Variants in SEMA3A observed in about 807,000 individuals in gnomAD.
SEMA3A encodes semaphorin-3A.
A neutral mutation model predicts 97.9 loss-of-function variants in SEMA3A; 29 were observed. The ratio of observed to expected loss-of-function variants is 0.30; its 90% CI spans 0.22 to 0.40. The LOEUF is 0.40. Ranked by LOEUF, SEMA3A falls within the 10% of genes least tolerant of loss-of-function variation. The pLI is 1.00. For synonymous variants in SEMA3A, 321 were observed against 323.7 expected, an observed-to-expected ratio of 0.99 and a Z score of 0.09; for missense variants, 763 against 951.3, an observed-to-expected ratio of 0.80 and a Z score of 2.60.
chr7:84,446,384 C>T (rs911588289), intron 1 of SEMA3A, among the ~76,000 whole-genome samples: 1 of 152,118 alleles, frequency 6.6e-6, no homozygotes, highest in Non-Finnish European at 1.5e-5. Flanking sequence ...AAACTAAAAA[C>T]TAATGTCCCT....
At chr7:84,409,574 A>T (rs892878974) in intron 1 of SEMA3A, among the ~76,000 whole-genome samples, 1 of 152,272 alleles carries the variant, frequency 6.6e-6, no homozygotes, top group African/African-American at 2.4e-5. Context: ...TGTGATTCAT[A>T]GCTGAAGTTT....
intron 1 of SEMA3A, among the ~76,000 whole-genome samples, chr7:84,144,116 A>G (rs927498630): frequency 6.6e-6 from 1 of 151,984 alleles, no homozygotes; most frequent in African/African-American, 2.4e-5. Context: ...ATGGGGCTTC[A>G]TGAGAAACAC....
At chr7:84,424,524 T>TATATATAATATATATTAATATATA (rs1804701298) in intron 1 of SEMA3A, among the ~76,000 whole-genome samples, 1 of 43,488 alleles carries the variant, frequency 2.3e-5, no homozygotes, top group Admixed American at 3.8e-4. Context: ...TAATATATGT[T>TATATATAATATATATTAATATATA]ATATATAATA....
At chr7:83,969,773 A>T (rs1186090457) in intron 15 of SEMA3A, among the ~76,000 whole-genome samples, 1 of 152,186 alleles carries the variant, frequency 6.6e-6, no homozygotes, top group Non-Finnish European at 1.5e-5. Context: ...GATAATGATG[A>T]CTAATCATGT....
At chr7:84,465,016 T>C (rs1805954381) in intron 1 of SEMA3A, among the ~76,000 whole-genome samples, 1 of 152,090 alleles carries the variant, frequency 6.6e-6, no homozygotes, top group Admixed American at 6.6e-5. Context: ...TCACATAAAA[T>C]CTTCTGTATG....
intron 14 of SEMA3A, 85 bp downstream of exon 14, chr7:83,981,236 C>CACTT (rs1374660965): frequency 1.4e-6 from 2 of 1,433,424 alleles, no homozygotes; most frequent in African/African-American, 2.8e-5. Flanking sequence ...AAAGTTGATG[C>CACTT]ACTTATTTGA....
intron 3 of SEMA3A, among the ~76,000 whole-genome samples, chr7:84,266,298 A>G (rs1799999294): frequency 8.3e-6 from 1 of 120,880 alleles, no homozygotes; most frequent in Non-Finnish European, 1.6e-5. Flanking sequence ...TCTAGCCTGG[A>G]GTGAGATTTG....
At chr7:84,413,876 T>C (rs1804350838) in intron 1 of SEMA3A, among the ~76,000 whole-genome samples, 1 of 152,150 alleles carries the variant, frequency 6.6e-6, no homozygotes, top group African/African-American at 2.4e-5. Context: ...TGCCAGGACA[T>C]ATAATCTGCA....
At chr7:83,971,478 G>A (rs1788911919) in intron 15 of SEMA3A, among the ~76,000 whole-genome samples, 1 of 150,740 alleles carries the variant, frequency 6.6e-6, no homozygotes, top group Admixed American at 6.6e-5. Flanking sequence ...ATCATATATT[G>A]TAGTGCAAAT....
At chr7:84,313,373 TA>T (rs1801406528) in intron 2 of SEMA3A, among the ~76,000 whole-genome samples, 1 of 44,424 alleles carries the variant, frequency 2.3e-5, no homozygotes, top group African/African-American at 5.3e-5. Flanking sequence ...TATATATATA[TA>T]TATATATATA....
intron 2 of SEMA3A, among the ~76,000 whole-genome samples, chr7:84,315,025 T>C (rs1202332792): frequency 1.3e-5 from 2 of 152,170 alleles, no homozygotes; most frequent in South Asian, 2.1e-4. Flanking sequence ...GAGAAGCTTT[T>C]GGTTTGCTAC....
upstream of SEMA3A, among the ~76,000 whole-genome samples, chr7:84,196,229 A>G (rs1031053332): frequency 6.6e-6 from 1 of 152,090 alleles, no homozygotes; most frequent in African/African-American, 2.4e-5. Flanking sequence ...ACAATTAAAA[A>G]CATAAACACC....
chr7:84,336,700 G>T (rs1802045730), intron 2 of SEMA3A, among the ~76,000 whole-genome samples: 1 of 152,120 alleles, frequency 6.6e-6, no homozygotes, highest in Non-Finnish European at 1.5e-5. Context: ...GGTTCCAACA[G>T]AAGAATTCAT....
intron 1 of SEMA3A, among the ~76,000 whole-genome samples, chr7:84,426,753 A>G (rs544169006): frequency 1.3e-5 from 2 of 152,228 alleles, no homozygotes; most frequent in South Asian, 2.1e-4. Context: ...TAAGAACGTT[A>G]TAACTTCTAC....
intron 3 of SEMA3A, among the ~76,000 whole-genome samples, chr7:84,225,464 A>G (rs1798967946): frequency 6.6e-6 from 1 of 152,096 alleles, no homozygotes; most frequent in African/African-American, 2.4e-5. Context: ...GAAAGTAACG[A>G]AGTAGGTCTT....
intron 2 of SEMA3A, among the ~76,000 whole-genome samples, chr7:84,134,015 C>T (rs1224330864): frequency 3.3e-5 from 5 of 151,704 alleles, no homozygotes; most frequent in Non-Finnish European, 5.9e-5. Context: ...GAGCCAAGAT[C>T]GCGCCACTGC....
intron 3 of SEMA3A, among the ~76,000 whole-genome samples, chr7:84,280,975 A>G (rs951907448): frequency 6.6e-6 from 1 of 152,078 alleles, no homozygotes; most frequent in Non-Finnish European, 1.5e-5. Context: ...ACTGTTATAA[A>G]CGATATACTT....
chr7:84,167,463 T>C (rs1342032678), intron 1 of SEMA3A, among the ~76,000 whole-genome samples: 2 of 152,218 alleles, frequency 1.3e-5, no homozygotes, highest in African/African-American at 4.8e-5. Context: ...CATTTTGTTA[T>C]TGAATCCTAT....
chr7:84,232,564 T>C (rs972910213), intron 3 of SEMA3A, among the ~76,000 whole-genome samples: 15 of 151,778 alleles, frequency 9.9e-5, no homozygotes, highest in Non-Finnish European at 1.8e-4. Context: ...ATAAGAGCCA[T>C]ACTATCCTTT....
Sources: allele counts gnomAD v4.1 joint callset (sites outside exome capture counted in the v4.1 genomes callset), GRCh38; gene constraint gnomAD v4.1.1; transcripts MANE v1.5; gene names NCBI Gene and HGNC (gene_info 2026-07-23, HGNC 2026-07-21).